The following IKBKB-DT variants were observed in gnomAD, a reference collection of about 807,000 sequenced individuals.
The protein encoded by IKBKB-DT is IKBKB divergent transcript.
Position 42,238,823 on chromosome 8 carries a change from A to G in IKBKB-DT, n.1530-4964T>C, listed in dbSNP as rs1027123269. 2.5e-4 allele frequency among the ~76,000 whole-genome samples: 38 copies of G among 152,172 alleles called. 1 individual carries two copies. Among genetic ancestry groups the G allele is most frequent in the Admixed American group, 2.4e-3 (37 of 15,276 alleles). On this transcript the variant is annotated intron_variant and non_coding_transcript_variant, in intron 3 of 3. Transcript: ENST00000518213. ...CTCTTTTTCACACCCCTGTGATTTCATCCCCTACCAATCATCAGCACCCAT... is the reference window on the plus strand; with the variant it reads ...CTCTTTTTCACACCCCTGTGATTTCGTCCCCTACCAATCATCAGCACCCAT...
At chr8:42,240,487 T>C (rs1806986853) in intron 3 of IKBKB-DT, among the ~76,000 whole-genome samples, 1 of 151,268 alleles carries the variant, frequency 6.6e-6, no homozygotes, top group Admixed American at 6.6e-5. Context: ...TAGCCGGGCA[T>C]GGTGGTGGAC....
intron 3 of IKBKB-DT, among the ~76,000 whole-genome samples, chr8:42,254,225 T>C (rs1279725497): frequency 1.3e-5 from 2 of 152,106 alleles, no homozygotes; most frequent in African/African-American, 2.4e-5. Context: ...TGCATAATAG[T>C]TTTTTTTACT....
chr8:42,271,154 A>G, exon 1 of IKBKB-DT: 1 of 565,148 alleles, frequency 1.8e-6, no homozygotes, highest in Non-Finnish European at 3.2e-6. Context: ...ACTTTCCCTC[A>G]GTTGTCTAGA....
chr8:42,253,392 G>A (rs1287862444), intron 3 of IKBKB-DT, among the ~76,000 whole-genome samples: 1 of 152,170 alleles, frequency 6.6e-6, no homozygotes, highest in Non-Finnish European at 1.5e-5. Context: ...CAATCAAAGA[G>A]TCTGACTCTT....
rs367667170 is a variant in IKBKB-DT at position 42,270,182 on chromosome 8, C to T, written n.603+469G>A. Among the ~76,000 whole-genome samples the T allele has an allele frequency of 6.6e-5, 10 of 152,248 alleles. No individual in the cohort carries two copies. In the South Asian group the frequency reaches 1.5e-3, roughly 22 times the overall value. ...GAGTATCAGCTCATCTACGTAGCAG[C>T]CATGTACCTTGGAAATAATAATAAT... On this transcript the variant is annotated intron_variant and non_coding_transcript_variant, in intron 1 of 3. Coordinates refer to ENST00000518213, the Ensembl canonical transcript of IKBKB-DT.
intron 3 of IKBKB-DT, among the ~76,000 whole-genome samples, chr8:42,249,964 TG>T (rs1807110957): frequency 2.0e-5 from 3 of 151,960 alleles, no homozygotes; most frequent in Non-Finnish European, 4.4e-5. Context: ...AACTGCCCAG[TG>T]AATTCTTGTC....
intron 3 of IKBKB-DT, among the ~76,000 whole-genome samples, chr8:42,261,929 G>A (rs1439320275): frequency 6.6e-6 from 1 of 152,260 alleles, no homozygotes; most frequent in Non-Finnish European, 1.5e-5. Flanking sequence ...TGCACAGGCA[G>A]CCTGGATAAT....
chr8:42,256,527 G>A (rs982330458), intron 3 of IKBKB-DT, among the ~76,000 whole-genome samples: 1 of 152,020 alleles, frequency 6.6e-6, no homozygotes, highest in Non-Finnish European at 1.5e-5. Context: ...AGCCAAGATT[G>A]TGCCATTGCA....
intron 3 of IKBKB-DT, among the ~76,000 whole-genome samples, chr8:42,241,015 A>G (rs1193283957): frequency 6.6e-6 from 1 of 152,096 alleles, no homozygotes; most frequent in East Asian, 1.9e-4. Flanking sequence ...GACAAAATGA[A>G]TTTTTTCTTG....
At chr8:42,268,654 GCTCCTGGGTTCAAGTGATT>G (rs1452757044) in intron 1 of IKBKB-DT, among the ~76,000 whole-genome samples, 1 of 149,374 alleles carries the variant, frequency 6.7e-6, no homozygotes, top group Admixed American at 6.7e-5. Context: ...GCAACCTCCA[GCTCCTGGGTTCAAGTGATT>G]CTCCTGCCTC....
intron 3 of IKBKB-DT, among the ~76,000 whole-genome samples, chr8:42,253,909 G>A (rs918216703): frequency 2.0e-5 from 3 of 152,190 alleles, no homozygotes; most frequent in African/African-American, 7.2e-5. Context: ...AGGCAGAGGA[G>A]AACAAAGGAA....
intron 3 of IKBKB-DT, among the ~76,000 whole-genome samples, chr8:42,245,224 C>A (rs1295602543): frequency 6.6e-6 from 1 of 152,150 alleles, no homozygotes; most frequent in Non-Finnish European, 1.5e-5. Flanking sequence ...CACTGCACTC[C>A]AACCTGGCGA....
chr8:42,236,326 T>C (rs992488648), intron 3 of IKBKB-DT, among the ~76,000 whole-genome samples: 1 of 152,156 alleles, frequency 6.6e-6, no homozygotes, highest in Non-Finnish European at 1.5e-5. Flanking sequence ...ATGCTTCCTA[T>C]GTAATTTAAC....
rs201614669 is a variant in IKBKB-DT, at chr8:42,264,115, C to CTT, written n.1386-645_1386-644dup. On this transcript the variant is annotated intron_variant and non_coding_transcript_variant, in intron 2 of 3. Transcript: ENST00000518213. ...GTGTGAGCCACTACGCCCAGCTGGG[C>CTT]TTTTTTTTTTGGTATTTAAGTATAC... 6.2e-3 allele frequency among the ~76,000 whole-genome samples: 852 copies of CTT among 136,416 alleles called. 3 individuals carry two copies. Among genetic ancestry groups the CTT allele is most frequent in the African/African-American group, 0.021 (771 of 37,118 alleles). 89.5% of individuals were successfully genotyped at this position (136,416 alleles called of 152,430 possible). A position where few individuals can be genotyped will look rare whatever the true frequency, so the allele number is the denominator to read the frequency against.
intron 3 of IKBKB-DT, among the ~76,000 whole-genome samples, chr8:42,241,196 C>A (rs1022348482): frequency 1.5e-5 from 2 of 131,156 alleles, no homozygotes; most frequent in African/African-American, 5.5e-5. Flanking sequence ...TTATTCCCAA[C>A]AGTTGATGCC....
chr8:42,250,363 A>T (rs1439825184), intron 3 of IKBKB-DT, among the ~76,000 whole-genome samples: 1 of 152,182 alleles, frequency 6.6e-6, no homozygotes. Flanking sequence ...CATTGGTTCT[A>T]TGTTAGTGAT....
chr8:42,267,004 G>GT lies in IKBKB-DT; in HGVS notation n.604-609dup, dbSNP rs527900913. 6.7e-3 allele frequency among the ~76,000 whole-genome samples: 840 copies of GT among 125,504 alleles called. 3 individuals are homozygous for GT. The highest frequency in any genetic ancestry group is 0.011 in the South Asian group (46 of 4,048). The allele number at this position is 125,504 out of a possible 152,430, so 82.3% of individuals were successfully genotyped here. A position where few individuals can be genotyped will look rare whatever the true frequency, so the allele number is the denominator to read the frequency against. On this transcript the variant is annotated intron_variant and non_coding_transcript_variant, in intron 1 of 3. Transcript: ENST00000518213. ...TTCTTTTTTTGTTTGTTTTTTTTTT[G>GT]TTTTTTTTTTTTTTGAGGTGGAGTC...
intron 3 of IKBKB-DT, among the ~76,000 whole-genome samples, chr8:42,258,262 A>G (rs1807233725): frequency 6.6e-6 from 1 of 152,098 alleles, no homozygotes; most frequent in Admixed American, 6.6e-5. Context: ...AGCCAACTTA[A>G]TCACACAAGA....
At chr8:42,236,042 C>T (rs1043886252) in intron 3 of IKBKB-DT, among the ~76,000 whole-genome samples, 1 of 151,624 alleles carries the variant, frequency 6.6e-6, no homozygotes, top group Non-Finnish European at 1.5e-5. Flanking sequence ...ACAACAACAA[C>T]AAAAAACAAA....
Sources: gnomAD v4.1 joint callset for allele counts (sites outside exome capture counted in the v4.1 genomes callset) on GRCh38, gnomAD v4.1.1 for gene constraint, MANE v1.5 for transcripts, NCBI Gene and HGNC (gene_info 2026-07-23, HGNC 2026-07-21) for gene names.